TMEM117: variants seen among roughly 807,000 people sequenced by gnomAD.
TMEM117 encodes transmembrane protein 117.
In TMEM117, 27 loss-of-function variants were observed where a neutral mutation model predicts 52.4. The observed-to-expected ratio is 0.51, with a 90% CI of 0.38 to 0.71. The LOEUF (loss-of-function observed/expected upper bound fraction) is 0.71. Ranked by LOEUF, TMEM117 falls within the 30% of genes least tolerant of loss-of-function variation. TMEM117 has a pLI of 0.00. For missense variants in TMEM117, 556 were observed against 630.5 expected (o/e 0.88, Z 1.26); for synonymous variants, 215 against 206.3 (o/e 1.04, Z -0.36).
At chr12:43,998,917 T>C (rs1360011364) in intron 3 of TMEM117, among the ~76,000 whole-genome samples, 3 of 152,172 alleles carry the variant, frequency 2.0e-5, no homozygotes, top group South Asian at 4.1e-4. Context: ...CACAAGAGAA[T>C]ATTCAAATAC....
chr12:43,944,474 A>G (rs1253156241), intron 3 of TMEM117, 132 bp downstream of exon 3: 1 of 869,416 alleles, frequency 1.2e-6, no homozygotes, highest in Non-Finnish European at 1.7e-6. Context: ...GGAGTATTTT[A>G]TGTATTTTTC....
chr12:44,276,926 G>A (rs1950520600), intron 5 of TMEM117, among the ~76,000 whole-genome samples: 1 of 151,746 alleles, frequency 6.6e-6, no homozygotes, highest in African/African-American at 2.4e-5. Flanking sequence ...GTGTGTGTGT[G>A]TGTGTGTAAT....
intron 5 of TMEM117, among the ~76,000 whole-genome samples, chr12:44,256,138 A>G (rs1950257854): frequency 6.6e-6 from 1 of 151,944 alleles, no homozygotes; most frequent in Non-Finnish European, 1.5e-5. Context: ...ACACATATGT[A>G]CACACTATGT....
intron 5 of TMEM117, among the ~76,000 whole-genome samples, chr12:44,282,994 T>C (rs1404042552): frequency 6.6e-6 from 1 of 152,226 alleles, no homozygotes; most frequent in Admixed American, 6.5e-5. Flanking sequence ...GGCTGTGGCT[T>C]CAGAGGGCGG....
intron 2 of TMEM117, among the ~76,000 whole-genome samples, chr12:43,855,541 G>A (rs1163378264): frequency 1.3e-5 from 2 of 152,060 alleles, no homozygotes; most frequent in African/African-American, 2.4e-5. Flanking sequence ...TACTTTTCTT[G>A]TGTTTATATT....
At chr12:43,962,425 G>C (rs1246352536) in intron 3 of TMEM117, among the ~76,000 whole-genome samples, 1 of 152,008 alleles carries the variant, frequency 6.6e-6, no homozygotes, top group Non-Finnish European at 1.5e-5. Context: ...CTTTAGAATT[G>C]GGACACTCAA....
chr12:44,138,754 C>T (rs1225919926), intron 3 of TMEM117, among the ~76,000 whole-genome samples: 1 of 152,086 alleles, frequency 6.6e-6, no homozygotes, highest in Non-Finnish European at 1.5e-5. Context: ...CTGGAAGGTC[C>T]TTACACATGT....
intron 2 of TMEM117, among the ~76,000 whole-genome samples, chr12:43,941,749 G>A (rs1283234566): frequency 6.6e-6 from 1 of 152,164 alleles, no homozygotes; most frequent in African/African-American, 2.4e-5. Flanking sequence ...TGAATTTCAA[G>A]TCATGTTAAC....
At chr12:43,806,965 C>T in the TMEM117 span, among the ~76,000 whole-genome samples, 1 of 152,338 alleles carries the variant, frequency 6.6e-6, no homozygotes. Flanking sequence ...AAATCCTGCT[C>T]TGCTTTAGGT....
At position 44,187,566 on chromosome 12, in the gene TMEM117, G is replaced by A. The variant is rs1354063322; in HGVS notation, c.511-23724G>A. Among the ~76,000 whole-genome samples the A allele has an allele frequency of 2.0e-5, 3 of 152,168 alleles. No homozygotes were observed. In the South Asian group the frequency reaches 6.2e-4, roughly 32 times the overall value. On this transcript the variant is annotated intron_variant, in intron 4 of 7. Transcript: ENST00000266534. ...TAAGGAAATTCAGATTGAATAAGAT[G>A]GGATCTCTAACCTGGAGGAATTTCA...
At chr12:44,117,274 T>C (rs1426604247) in intron 3 of TMEM117, among the ~76,000 whole-genome samples, 1 of 152,232 alleles carries the variant, frequency 6.6e-6, no homozygotes, top group Non-Finnish European at 1.5e-5. Flanking sequence ...TTAGCTATAC[T>C]GACTCATCTT....
chr12:44,207,574 G>T (rs1040911752), intron 4 of TMEM117, among the ~76,000 whole-genome samples: 3 of 152,044 alleles, frequency 2.0e-5, no homozygotes, highest in Non-Finnish European at 4.4e-5. Flanking sequence ...TAATAGTTCA[G>T]TATATGATAG....
chr12:43,996,673 T>TAAATAAA (rs1565785632), intron 3 of TMEM117, among the ~76,000 whole-genome samples: 2 of 151,356 alleles, frequency 1.3e-5, no homozygotes, highest in African/African-American at 4.8e-5. Context: ...AATAAATAAA[T>TAAATAAA]TTAGGGAATG....
intron 2 of TMEM117, among the ~76,000 whole-genome samples, chr12:43,900,261 A>G (rs1485912734): frequency 6.6e-6 from 1 of 152,190 alleles, no homozygotes; most frequent in African/African-American, 2.4e-5. Context: ...CTGCTGGGAC[A>G]GTGTTCTGAG....
chr12:44,362,199 C>G (rs1320593389), intron 6 of TMEM117, among the ~76,000 whole-genome samples: 5 of 152,094 alleles, frequency 3.3e-5, no homozygotes, highest in African/African-American at 1.2e-4. Flanking sequence ...TTACCTGTCA[C>G]TCCCACCAGA....
intron 3 of TMEM117, among the ~76,000 whole-genome samples, chr12:44,004,357 G>T (rs1946162078): frequency 6.6e-6 from 1 of 152,094 alleles, no homozygotes; most frequent in Non-Finnish European, 1.5e-5. Context: ...TTGAATTTTT[G>T]AGTTAACTTC....
chr12:43,904,443 A>C (rs1201058255), intron 2 of TMEM117, among the ~76,000 whole-genome samples: 2 of 152,194 alleles, frequency 1.3e-5, no homozygotes, highest in African/African-American at 2.4e-5. Context: ...TTTAATATCT[A>C]TTTAAATTTT....
intron 3 of TMEM117, among the ~76,000 whole-genome samples, chr12:43,964,405 T>TC (rs777778382): frequency 1.3e-5 from 2 of 152,208 alleles, no homozygotes; most frequent in Non-Finnish European, 2.9e-5. Flanking sequence ...ATTATATACT[T>TC]CCTGATCTCT....
intron 6 of TMEM117, among the ~76,000 whole-genome samples, chr12:44,318,609 C>G (rs1185188959): frequency 6.6e-6 from 1 of 152,150 alleles, no homozygotes; most frequent in Non-Finnish European, 1.5e-5. Flanking sequence ...TGGGGTGGCT[C>G]AGGCTGGTAA....
Sources: allele counts gnomAD v4.1 joint callset (sites outside exome capture counted in the v4.1 genomes callset), GRCh38; gene constraint gnomAD v4.1.1; transcripts MANE v1.5; gene names NCBI Gene and HGNC (gene_info 2026-07-23, HGNC 2026-07-21).